The following NCCRP1 variants were observed in gnomAD, a reference collection of about 807,000 sequenced individuals.
NCCRP1 encodes the protein NCCRP1, F-box associated domain containing.
Under a neutral mutation model 34.4 loss-of-function variants are expected in NCCRP1, and 32 were observed. The ratio of observed to expected loss-of-function variants is 0.93; its 90% CI spans 0.70 to 1.25. The LOEUF (loss-of-function observed/expected upper bound fraction) is 1.25. Among genes scored for constraint, NCCRP1 ranks in the 50% most tolerant of loss-of-function variants. NCCRP1 has a pLI of 0.00. For missense variants in NCCRP1, 372 were observed against 391.8 expected, an observed-to-expected ratio of 0.95 and a Z score of 0.43; for synonymous variants, 172 against 180.1, an observed-to-expected ratio of 0.95 and a Z score of 0.36.
chr19:39,197,981 G>A lies in NCCRP1; in HGVS notation c.338-72G>A. 2.6e-6 allele frequency: 4 copies of A among 1,541,804 alleles called. No individual in the cohort carries two copies. In the African/African-American group the frequency reaches 5.4e-5, roughly 21 times the overall value. On this transcript the variant is annotated intron_variant, in intron 1 of 5. Coordinates refer to ENST00000339852, the MANE Select transcript of NCCRP1 (RefSeq NM_001001414.2). ...TCCTGCCCTTCCAGTGTATAGCCCT[G>A]CGGGTAGGGAGGGGTGAGGCGGTGG...
chr19:39,198,084 T>C lies in NCCRP1; in HGVS notation c.369T>C (p.Thr123=), dbSNP rs1207644582. 2 of 1,614,092 alleles carry C rather than the reference T, an allele frequency of 1.2e-6. No homozygotes were observed. Among genetic ancestry groups the C allele is most frequent in the Non-Finnish European group, 8.5e-7 (1 of 1,180,010 alleles). The change falls in exon 2 of 6, where the codon ACT becomes ACC. Residue 123 remains threonine (T), a synonymous_variant. Coordinates refer to ENST00000339852, the MANE Select transcript of NCCRP1 (RefSeq NM_001001414.2). The stretch of plus-strand genomic sequence containing the variant: ...ACATTTATGAGCCAGCACCCCCTAC[T>C]GGTCCCACCCAGCGACCCCTGGAAA... The part of the protein sequence containing the change: ...GINIYEPAPP[T]GPTQRPLETL...
chr19:39,200,543 C>G lies in NCCRP1; in HGVS notation c.687+59C>G. On this transcript the variant is annotated intron_variant, in intron 5 of 5. Transcript: ENST00000339852. This position sits in a 1 kb window ranked among gnomAD's most constrained non-coding sequence, Gnocchi z 5.8. ...GACGTGTGTTCTTGTCCCAAGACCT[C>G]ACAGAGGGAGGAGAACAGGTCCGCG... 6.2e-7 allele frequency: 1 copy of G among 1,610,328 alleles called. No individual in the cohort carries two copies. The highest frequency in any genetic ancestry group is 8.5e-7 in the Non-Finnish European group (1 of 1,178,146).
In NCCRP1 at chr19:39,200,230, C is replaced by A. The variant is rs2074781864; in HGVS notation, c.549-116C>A. The A allele has an allele frequency of 1.5e-6, 2 of 1,379,162 alleles. No homozygotes were observed. The highest frequency in any genetic ancestry group is 1.8e-5 in the Admixed American group (1 of 54,942). The allele number at this position is 1,379,162 out of a possible 1,614,324, so 85.4% of individuals were successfully genotyped here. On this transcript the variant is annotated intron_variant, in intron 4 of 5. Coordinates refer to ENST00000339852, the MANE Select transcript of NCCRP1 (RefSeq NM_001001414.2). The surrounding 1 kb of genome is among the most constrained non-coding windows in gnomAD (Gnocchi z 5.8). ...GCTATGTTGCCAGCACCACCCAGCT[C>A]AGGGCTGTGTACAGCATGGGTAGCA... is the stretch of plus-strand genomic sequence containing the variant.
chr19:39,200,665 TC>T lies in NCCRP1; in HGVS notation c.739del (p.Leu247CysfsTer18), dbSNP rs2074784656. Reference protein sequence around the residue: ...HYGPGVRFIHFLHKAKNRMEP... With the variant: ...HYGPGVRFIHXLHKAKNRMEP... ...GGTCCCGGTGTGCGCTTTATCCACT[TC>T]CTGCACAAGGCCAAGAACCGCATGG... is the stretch of plus-strand genomic sequence containing the variant. On this transcript the variant is annotated frameshift_variant, in exon 6 of 6. Coordinates refer to ENST00000339852, the MANE Select transcript of NCCRP1 (RefSeq NM_001001414.2). LOFTEE classifies it high-confidence loss of function. The surrounding 1 kb of genome is among the most constrained non-coding windows in gnomAD (Gnocchi z 5.8). 4 of 1,614,010 alleles carry T rather than the reference TC, an allele frequency of 2.5e-6. No homozygotes were observed. Among genetic ancestry groups the T allele is most frequent in the Non-Finnish European group, 3.4e-6 (4 of 1,180,026 alleles).
chr19:39,197,316 GA>G lies in NCCRP1; in HGVS notation c.336del (p.Gly113AlafsTer42). Reference sequence around the variant, plus strand: ...CAACCTGCTGCGCTCGCCCAACCCCGAAGGTGCGCAAGGGCCCAGAGCAGCC... The same window carrying G: ...CAACCTGCTGCGCTCGCCCAACCCCGAGGTGCGCAAGGGCCCAGAGCAGCC... ...YRNLLRSPNP[E>X]GINIYEPAPP... On this transcript the variant is annotated frameshift_variant and splice_region_variant, in exon 1 of 6. Coordinates refer to ENST00000339852, the MANE Select transcript of NCCRP1 (RefSeq NM_001001414.2). LOFTEE classifies it high-confidence loss of function. The G allele has an allele frequency of 6.9e-7, 1 of 1,459,654 alleles. No homozygotes were observed. The highest frequency in any genetic ancestry group is 8.9e-7 in the Non-Finnish European group (1 of 1,117,778). 90.4% of individuals were successfully genotyped at this position (1,459,654 alleles called of 1,614,324 possible). A position where few individuals can be genotyped will look rare whatever the true frequency, so the allele number is the denominator to read the frequency against.
rs750222565 is a variant in NCCRP1 at position 39,200,346 on chromosome 19, G to GT, written c.551dup (p.Glu185ArgfsTer11). ...CTGAAGGCCTTGACTCCGCCTGCAG[G>GT]TTCGAGGACAGCCGGCTGGATGCGT... is the stretch of plus-strand genomic sequence containing the variant. On this transcript the variant is annotated frameshift_variant and splice_region_variant, in exon 5 of 6. Transcript: ENST00000339852. LOFTEE classifies it high-confidence loss of function. This position sits in a 1 kb window ranked among gnomAD's most constrained non-coding sequence, Gnocchi z 5.8. 20 of 1,613,148 alleles carry GT rather than the reference G, an allele frequency of 1.2e-5. No homozygotes were observed. Among genetic ancestry groups the GT allele is most frequent in the Middle Eastern group, 3.5e-4 (2 of 5,782 alleles).
At position 39,200,006 on chromosome 19, in the gene NCCRP1, G is replaced by A. The variant is rs1004799931; in HGVS notation, c.549-340G>A. On this transcript the variant is annotated intron_variant, in intron 4 of 5. Transcript: ENST00000339852. The surrounding 1 kb of genome is among the most constrained non-coding windows in gnomAD (Gnocchi z 5.8). Reference sequence around the variant, plus strand: ...CCCCTCTGCCTGGGTCCCCAATTCCGACCCCAACCCCTCTGCCTGTGTCCC... The same window carrying A: ...CCCCTCTGCCTGGGTCCCCAATTCCAACCCCAACCCCTCTGCCTGTGTCCC... Among the ~76,000 whole-genome samples, 1 of 150,920 alleles carries A rather than the reference G, an allele frequency of 6.6e-6. No homozygotes were observed.
Position 39,199,216 on chromosome 19 carries a change from T to C in NCCRP1, c.499T>C (p.Trp167Arg), listed in dbSNP as rs1284180966. 6.8e-6 allele frequency: 11 copies of C among 1,614,062 alleles called. No homozygotes were observed. The highest frequency in any genetic ancestry group is 1.3e-5 in the African/African-American group (1 of 75,036). The part of the protein sequence containing the change: ...QCVDLLAEGL[W>R]EELLDDEQPA... ...TGTGGACCTTCTGGCCGAGGGCCTG[T>C]GGGAGGAGCTGCTGGATGACGAACA... Residue 167 changes from tryptophan (W) to arginine (R), a missense_variant, in exon 4 of 6, where the codon TGG (tryptophan) becomes CGG (arginine). Physicochemically the swap from Trp to Arg is moderately radical, Grantham distance 101 (BLOSUM62 -3). Coordinates refer to ENST00000339852, the MANE Select transcript of NCCRP1 (RefSeq NM_001001414.2).
chr19:39,197,942 G>A, intron 1 of NCCRP1, 111 bp from the exon 2 acceptor site: 1 of 1,307,220 alleles, frequency 7.6e-7, no homozygotes. Flanking sequence ...GGGCTTCCCT[G>A]ACCTGGCACA....
chr19:39,198,067 G>A lies in NCCRP1; in HGVS notation c.352G>A (p.Glu118Lys), dbSNP rs1364157630. The change falls in exon 2 of 6, where the codon GAG becomes AAG. Residue 118 changes from glutamate (E) to lysine (K), a missense_variant. Coordinates refer to ENST00000339852, the MANE Select transcript of NCCRP1 (RefSeq NM_001001414.2). ...SPNPEGINIY[E>K]PAPPTGPTQR... ...GTCCATTTCAGGCATCAACATTTAT[G>A]AGCCAGCACCCCCTACTGGTCCCAC... is the stretch of plus-strand genomic sequence containing the variant. 1.9e-6 allele frequency: 3 copies of A among 1,613,882 alleles called. No homozygotes were observed. The highest frequency in any genetic ancestry group is 1.1e-5 in the South Asian group (1 of 91,062).
chr19:39,199,487 C>CTTTT (rs916155239), intron 4 of NCCRP1, among the ~76,000 whole-genome samples: 1 of 60,870 alleles, frequency 1.6e-5, no homozygotes, highest in African/African-American at 4.3e-5. Flanking sequence ...TTTTTCTTTT[C>CTTTT]TTTTTTTTTT....
chr19:39,199,269 C>T lies in NCCRP1; in HGVS notation c.548+4C>T, dbSNP rs1414167693. On this transcript the variant is annotated splice_donor_region_variant and intron_variant, in intron 4 of 5. Coordinates refer to ENST00000339852, the MANE Select transcript of NCCRP1 (RefSeq NM_001001414.2). Reference sequence around the variant, plus strand: ...CAGCCATTACGGTCATGGACTGGTGCGTGCCCCTCCCCTGCCAGCCTGACC... The same window carrying T: ...CAGCCATTACGGTCATGGACTGGTGTGTGCCCCTCCCCTGCCAGCCTGACC... 3.5e-5 allele frequency: 56 copies of T among 1,612,612 alleles called. No homozygotes were observed. The highest frequency in any genetic ancestry group is 4.3e-5 in the Non-Finnish European group (51 of 1,179,382).
chr19:39,199,376 G>A (rs1417807409), intron 4 of NCCRP1, 111 bp downstream of exon 4: 3 of 925,424 alleles, frequency 3.2e-6, no homozygotes, highest in Non-Finnish European at 5.0e-6. Context: ...GACCCTCCTG[G>A]TGCTACAGGG....
chr19:39,198,844 G>C (rs951898617), intron 3 of NCCRP1, among the ~76,000 whole-genome samples: 1 of 152,148 alleles, frequency 6.6e-6, no homozygotes, highest in East Asian at 1.9e-4. Context: ...ATGAAACAGA[G>C]CCTTGCTCCT....
rs547389238 is a variant in NCCRP1 at position 39,200,116 on chromosome 19, G to A, written c.549-230G>A. On this transcript the variant is annotated intron_variant, in intron 4 of 5. Coordinates refer to ENST00000339852, the MANE Select transcript of NCCRP1 (RefSeq NM_001001414.2). The surrounding 1 kb of genome is among the most constrained non-coding windows in gnomAD (Gnocchi z 5.8). Reference sequence around the variant, plus strand: ...CGTGCTCCCCATCCCAAACCTGGCCGTTCCTGGCTGTCATGTTTGGTGGCA... The same window carrying A: ...CGTGCTCCCCATCCCAAACCTGGCCATTCCTGGCTGTCATGTTTGGTGGCA... Among the ~76,000 whole-genome samples, 19 of 152,236 alleles carry A rather than the reference G, an allele frequency of 1.2e-4. No homozygotes were observed. The highest frequency in any genetic ancestry group is 2.6e-4 in the Non-Finnish European group (18 of 68,018).
Position 39,198,203 on chromosome 19 carries a change from CA to C in NCCRP1, c.404del (p.Asn135IlefsTer20), listed in dbSNP as rs1568541945. On this transcript the variant is annotated frameshift_variant and splice_region_variant, in exon 3 of 6. Coordinates refer to ENST00000339852, the MANE Select transcript of NCCRP1 (RefSeq NM_001001414.2). LOFTEE classifies it high-confidence loss of function. ...AACCCTTTGCTCCCCAACCTGCAGG[CA>C]ATTTCCGTGGCTGGTACATTAGAAC... ...PTQRPLETLG[N>X]FRGWYIRTEK... 3.7e-6 allele frequency: 6 copies of C among 1,614,162 alleles called. No homozygotes were observed. Among genetic ancestry groups the C allele is most frequent in the Non-Finnish European group, 5.1e-6 (6 of 1,180,038 alleles).
In NCCRP1 at chr19:39,197,188, C is replaced by G. The variant is rs1254463059; in HGVS notation, c.206C>G (p.Ala69Gly). Residue 69 changes from alanine (A) to glycine (G), a missense_variant, in exon 1 of 6, where the codon GCC becomes GGC. Coordinates refer to ENST00000339852, the MANE Select transcript of NCCRP1 (RefSeq NM_001001414.2). ...CCGGCGCAGCCGTCCGAGGCTCACG[C>G]CCGGCAGCTGCTGCTGGAGGAGTGG... ...PEPAQPSEAHARQLLLEEWGP... is the reference protein window; with the variant it reads ...PEPAQPSEAHGRQLLLEEWGP... 1 of 1,427,872 alleles carries G rather than the reference C, an allele frequency of 7.0e-7. No individual in the cohort carries two copies. Among genetic ancestry groups the G allele is most frequent in the Non-Finnish European group, 9.1e-7 (1 of 1,104,944 alleles). The allele number at this position is 1,427,872 out of a possible 1,614,324, so 88.5% of individuals were successfully genotyped here.
rs2086693570 is a variant in NCCRP1, at chr19:39,200,170, C to G, written c.549-176C>G. On this transcript the variant is annotated intron_variant, in intron 4 of 5. Coordinates refer to ENST00000339852, the MANE Select transcript of NCCRP1 (RefSeq NM_001001414.2). The surrounding 1 kb of genome is among the most constrained non-coding windows in gnomAD (Gnocchi z 5.8). The stretch of plus-strand genomic sequence containing the variant: ...CTGCCTCCCTCACTGGACTGTGAAT[C>G]CCATGTGGCAGGGTGTGGGGCTGTC... Among the ~76,000 whole-genome samples, 1 of 152,214 alleles carries G rather than the reference C, an allele frequency of 6.6e-6. No homozygotes were observed.
rs770696634 is a variant in NCCRP1, at chr19:39,199,154, G to A, written c.453-16G>A. The A allele has an allele frequency of 7.1e-5, 114 of 1,612,516 alleles. No homozygotes were observed. Among genetic ancestry groups the A allele is most frequent in the South Asian group, 4.4e-5 (4 of 91,046 alleles). On this transcript the variant is annotated splice_polypyrimidine_tract_variant and intron_variant, in intron 3 of 5. Transcript: ENST00000339852. ...GCAGATCGCAGACCCCGCCTCTCCC[G>A]GCCCTTCTTTCACAGCTGGACAGTG... is the stretch of plus-strand genomic sequence containing the variant.
Sources: gnomAD v4.1 joint callset for allele counts (sites outside exome capture counted in the v4.1 genomes callset) on GRCh38, gnomAD v4.1.1 for gene constraint, Gnocchi (gnomAD v3.1) non-coding constraint, MANE v1.5 for transcripts, NCBI Gene and HGNC (gene_info 2026-07-23, HGNC 2026-07-21) for gene names.